Variants in RASGRP2 observed in about 807,000 individuals in gnomAD.
RASGRP2 encodes the protein RAS guanyl releasing protein 2.
In RASGRP2, 44 loss-of-function variants were observed where a neutral mutation model predicts 71.0. That is an observed-to-expected ratio of 0.62 (90% confidence interval 0.49 to 0.80). The LOEUF is 0.80. Among genes scored for constraint, RASGRP2 ranks in the 30% least tolerant of loss-of-function variants. The pLI, the probability that RASGRP2 is intolerant of heterozygous loss-of-function variation, is 0.00. For missense variants in RASGRP2, 663 were observed against 813.4 expected (o/e 0.82, Z 2.25); for synonymous variants, 350 against 330.7 (o/e 1.06, Z -0.63).
At position 64,730,046 on chromosome 11, in the gene RASGRP2, C is replaced by T; in HGVS notation, c.1554+7G>A. The T allele has an allele frequency of 6.4e-7, 1 of 1,550,578 alleles. No individual in the cohort carries two copies. The highest frequency in any genetic ancestry group is 8.7e-7 in the Non-Finnish European group (1 of 1,147,642). On this transcript the variant is annotated splice_region_variant and intron_variant, in intron 13 of 16. Coordinates refer to ENST00000394432, the MANE Select transcript of RASGRP2 (RefSeq NM_001098671.2). ...CTTGGGCCGTGAGCCGGGAAAGGGA[C>T]TCTCACCAGGGCTTTGCAGTGGCGG...
In RASGRP2 at chr11:64,743,382, C is replaced by T. The variant is rs1352187859; in HGVS notation, c.-71-445G>A. The T allele has an allele frequency of 2.6e-6, 1 of 388,882 alleles. No individual in the cohort carries two copies. Among genetic ancestry groups the T allele is most frequent in the Non-Finnish European group, 5.1e-6 (1 of 194,216 alleles). The allele number at this position is 388,882 out of a possible 1,614,324, so 24.1% of individuals were successfully genotyped here. On this transcript the variant is annotated intron_variant, in intron 1 of 16. Transcript: ENST00000394432. This position sits in a 1 kb window ranked among gnomAD's most constrained non-coding sequence, Gnocchi z 4.9. Reference sequence around the variant, plus strand: ...GCCTGAGGGGACCTCGGAGGAATTTCTCCCTGGTATGGGAGGTGGGGGGAG... The same window carrying T: ...GCCTGAGGGGACCTCGGAGGAATTTTTCCCTGGTATGGGAGGTGGGGGGAG...
At chr11:64,736,536 C>T (rs1366760079) in intron 9 of RASGRP2, among the ~76,000 whole-genome samples, 1 of 152,202 alleles carries the variant, frequency 6.6e-6, no homozygotes, top group Non-Finnish European at 1.5e-5. Context: ...TCAAACTGCC[C>T]ACAGTCCACA....
At chr11:64,727,483 T>A in intron 15 of RASGRP2, 123 bp from the exon 16 acceptor site, 1 of 753,394 alleles carries the variant, frequency 1.3e-6, no homozygotes, top group Non-Finnish European at 2.3e-6. Context: ...AAAAATCAAT[T>A]CCCTGCATGA....
Position 64,742,645 on chromosome 11 carries a change from C to T in RASGRP2, c.73+149G>A. The T allele has an allele frequency of 2.0e-6, 2 of 1,014,806 alleles. No homozygotes were observed. 62.9% of individuals were successfully genotyped at this position (1,014,806 alleles called of 1,614,324 possible). A position where few individuals can be genotyped will look rare whatever the true frequency, so the allele number is the denominator to read the frequency against. On this transcript the variant is annotated intron_variant, in intron 2 of 16. Transcript: ENST00000394432. This position sits in a 1 kb window ranked among gnomAD's most constrained non-coding sequence, Gnocchi z 4.7. ...GCGTGCATCTCTCTGCCCTGCGTTG[C>T]GGAGGAGGCTTTCGTTAAAGAGACT...
intron 12 of RASGRP2, among the ~76,000 whole-genome samples, chr11:64,730,866 G>A (rs1002335679): frequency 1.3e-5 from 2 of 152,172 alleles, no homozygotes; most frequent in Admixed American, 1.3e-4. Flanking sequence ...ATAGGATTTT[G>A]GTGAGGATTA....
intron 5 of RASGRP2, chr11:64,740,377 G>A: frequency 1.4e-6 from 1 of 709,838 alleles, no homozygotes; most frequent in Non-Finnish European, 2.6e-6. Flanking sequence ...CTCTGTGCCA[G>A]GCACTGTGCT....
chr11:64,730,024 G>C (rs1282263865), intron 13 of RASGRP2, 29 bp downstream of exon 13: 3 of 1,546,674 alleles, frequency 1.9e-6, no homozygotes, highest in Non-Finnish European at 2.6e-6. Flanking sequence ...GGCGTGGCTT[G>C]GGCCGTGAGC....
At chr11:64,729,132 C>T in intron 14 of RASGRP2, 90 bp from the exon 15 acceptor site, 2 of 1,339,028 alleles carry the variant, frequency 1.5e-6, no homozygotes, top group Middle Eastern at 1.8e-4. Flanking sequence ...CTACCAGGAA[C>T]CTTTGTTCCT....
In RASGRP2 at chr11:64,739,887, C is replaced by A. The variant is rs2058064948; in HGVS notation, c.523-78G>T. The A allele has an allele frequency of 1.2e-6, 2 of 1,608,338 alleles. No individual in the cohort carries two copies. The highest frequency in any genetic ancestry group is 1.3e-5 in the African/African-American group (1 of 74,890). On this transcript the variant is annotated intron_variant, in intron 6 of 16. Coordinates refer to ENST00000394432, the MANE Select transcript of RASGRP2 (RefSeq NM_001098671.2). The surrounding 1 kb of genome is among the most constrained non-coding windows in gnomAD (Gnocchi z 4.2). ...TAGCCACTCCTCACCCTCCAGCTGA[C>A]CTTCAGTGGTTACACTGAAACCCCT...
chr11:64,743,013 GGGCGGGCACGC>G lies in RASGRP2; in HGVS notation c.-71-87_-71-77del. The G allele has an allele frequency of 7.0e-7, 1 of 1,421,038 alleles. No individual in the cohort carries two copies. The highest frequency in any genetic ancestry group is 9.5e-7 in the Non-Finnish European group (1 of 1,052,836). 88.0% of individuals were successfully genotyped at this position (1,421,038 alleles called of 1,614,324 possible). ...CGGCCCCGCGGGCAGAAACGGGGCGGGGCGGGCACGCCCCCTGCTGGACAGGGGCGGAGTTG... is the reference window on the plus strand; with the variant it reads ...CGGCCCCGCGGGCAGAAACGGGGCGGCCCCTGCTGGACAGGGGCGGAGTTG... On this transcript the variant is annotated intron_variant, in intron 1 of 16. Transcript: ENST00000394432. This position sits in a 1 kb window ranked among gnomAD's most constrained non-coding sequence, Gnocchi z 4.9.
rs1177113977 is a variant in RASGRP2 at position 64,739,331 on chromosome 11, A to T, written c.813+29T>A. 6.4e-7 allele frequency: 1 copy of T among 1,560,626 alleles called. No homozygotes were observed. On this transcript the variant is annotated intron_variant, in intron 8 of 16. Coordinates refer to ENST00000394432, the MANE Select transcript of RASGRP2 (RefSeq NM_001098671.2). The surrounding 1 kb of genome is among the most constrained non-coding windows in gnomAD (Gnocchi z 4.2). The stretch of plus-strand genomic sequence containing the variant: ...GGACCCAGTGAAGACAGACCTGGGA[A>T]GCACCGGCCCCTCCCCAGTCCCAGG...
chr11:64,735,905 A>T lies in RASGRP2; in HGVS notation c.1171T>A (p.Ser391Thr), dbSNP rs1469224631. 6.2e-7 allele frequency: 1 copy of T among 1,613,636 alleles called. No homozygotes were observed. The highest frequency in any genetic ancestry group is 1.1e-5 in the South Asian group (1 of 91,016). ...GAGAGGAGGGAGTACCCCCTCACCGAGGACTTGGAGCGCGGCTCCCGCTGC... is the reference window on the plus strand; with the variant it reads ...GAGAGGAGGGAGTACCCCCTCACCGTGGACTTGGAGCGCGGCTCCCGCTGC... Reference protein sequence around the residue: ...SLQREPRSKSSPTSPTSCTPP... With the variant: ...SLQREPRSKSTPTSPTSCTPP... The change falls in exon 10 of 17, where the codon TCG (serine) becomes ACG (threonine). Residue 391 changes from serine (S) to threonine (T), a missense_variant and splice_region_variant. Physicochemically the swap from Ser to Thr is moderately conservative, Grantham distance 58 (BLOSUM62 1). Transcript: ENST00000394432. This position sits in a 1 kb window ranked among gnomAD's most constrained non-coding sequence, Gnocchi z 4.2.
chr11:64,743,479 C>G lies in RASGRP2; in HGVS notation c.-72+524G>C. On this transcript the variant is annotated intron_variant, in intron 1 of 16. Transcript: ENST00000394432. This position sits in a 1 kb window ranked among gnomAD's most constrained non-coding sequence, Gnocchi z 4.9. ...AAGGCGAGGCGGGGCTGCGGCAGCC[C>G]CCAGGGGGCCTGCCCTAGGGGAGGC... is the stretch of plus-strand genomic sequence containing the variant. The G allele has an allele frequency of 2.9e-6, 1 of 350,022 alleles. No individual in the cohort carries two copies. The highest frequency in any genetic ancestry group is 5.6e-6 in the Non-Finnish European group (1 of 177,148). 21.7% of individuals were successfully genotyped at this position (350,022 alleles called of 1,614,324 possible).
At chr11:64,732,433 C>A (rs987097736) in intron 12 of RASGRP2, among the ~76,000 whole-genome samples, 1 of 152,066 alleles carries the variant, frequency 6.6e-6, no homozygotes, top group Non-Finnish European at 1.5e-5. Flanking sequence ...CCGAGGCGGG[C>A]GGATCACCTG....
At position 64,741,994 on chromosome 11, in the gene RASGRP2, G is replaced by T. The variant is rs765678477; in HGVS notation, c.176+16C>A. On this transcript the variant is annotated intron_variant, in intron 3 of 16. Coordinates refer to ENST00000394432, the MANE Select transcript of RASGRP2 (RefSeq NM_001098671.2). ...GCTCCGACGGCGGGGGCCTTGGCAA[G>T]GCCGGCGAAGGATATATGTGGAGCA... The T allele has an allele frequency of 1.9e-6, 3 of 1,597,858 alleles. No individual in the cohort carries two copies. The highest frequency in any genetic ancestry group is 2.6e-6 in the Non-Finnish European group (3 of 1,172,176).
chr11:64,737,449 T>C (rs2057978252), intron 8 of RASGRP2, among the ~76,000 whole-genome samples: 1 of 151,726 alleles, frequency 6.6e-6, no homozygotes, highest in Admixed American at 6.6e-5. Context: ...GGCAGATGGA[T>C]CATGAGGTCA....
At chr11:64,737,100 T>A (rs2057966876) in intron 8 of RASGRP2, 66 bp from the exon 9 acceptor site, 2 of 1,590,302 alleles carry the variant, frequency 1.3e-6, no homozygotes, top group Admixed American at 3.4e-5. Context: ...CCTGGAAATG[T>A]AGGAGGGGGT....
At chr11:64,729,699 C>T in intron 14 of RASGRP2, 63 bp downstream of exon 14, 1 of 1,581,724 alleles carries the variant, frequency 6.3e-7, no homozygotes, top group Admixed American at 1.7e-5. Context: ...CAGTAACTCT[C>T]CCAAACAAAC....
intron 5 of RASGRP2, chr11:64,740,510 C>G (rs2058087654): frequency 1.6e-6 from 1 of 630,294 alleles, no homozygotes; most frequent in South Asian, 1.5e-5. Flanking sequence ...GTACAGAGGT[C>G]TTTGTACAGG....
Sources: allele counts gnomAD v4.1 joint callset (sites outside exome capture counted in the v4.1 genomes callset), GRCh38; gene constraint gnomAD v4.1.1; non-coding constraint Gnocchi (gnomAD v3.1); transcripts MANE v1.5; gene names NCBI Gene and HGNC (gene_info 2026-07-23, HGNC 2026-07-21).